The following KDM2B variants were observed in gnomAD, a reference collection of about 807,000 sequenced individuals.
KDM2B encodes lysine-specific demethylase 2B.
In KDM2B, 26 loss-of-function variants were observed where a neutral mutation model predicts 150.0. The observed-to-expected ratio is 0.17, with a 90% CI of 0.13 to 0.24. KDM2B has a LOEUF of 0.24. Ranked by LOEUF, KDM2B falls within the 10% of genes least tolerant of loss-of-function variation. KDM2B has a pLI of 1.00. For missense variants in KDM2B, 1,265 were observed against 1,816.9 expected (o/e 0.70, Z 5.52); for synonymous variants, 734 against 729.5 (o/e 1.01, Z -0.10).
intron 9 of KDM2B, among the ~76,000 whole-genome samples, chr12:121,514,077 G>A (rs1555304488): frequency 6.6e-6 from 1 of 152,148 alleles, no homozygotes; most frequent in Non-Finnish European, 1.5e-5. Context: ...GGTATGACCT[G>A]AGACCAGCGT....
At chr12:121,541,395 CAAAAAAAAAAAAA>C (rs59029432) in intron 6 of KDM2B, among the ~76,000 whole-genome samples, 7 of 29,364 alleles carry the variant, frequency 2.4e-4, no homozygotes, top group African/African-American at 5.9e-4. Flanking sequence ...GCCCCTGTCT[CAAAAAAAAAAAAA>C]AAAAAAAAAG....
At chr12:121,550,049 C>G (rs1419468705) in intron 4 of KDM2B, among the ~76,000 whole-genome samples, 4 of 149,512 alleles carry the variant, frequency 2.7e-5, no homozygotes, top group Non-Finnish European at 5.9e-5. Flanking sequence ...ATGGCTCATG[C>G]CTGTAATCCC....
Position 121,440,090 on chromosome 12 carries a change from A to G in KDM2B, c.3611-15T>C. The G allele has an allele frequency of 6.3e-7, 1 of 1,578,342 alleles. No homozygotes were observed. On this transcript the variant is annotated splice_polypyrimidine_tract_variant and intron_variant, in intron 21 of 22. Transcript: ENST00000377071. ...GTCCATCTGACCTGGTGGGGCAGGA[A>G]GGAGGGGGCAACCCGTCAATCTGAC...
intron 4 of KDM2B, among the ~76,000 whole-genome samples, chr12:121,557,635 C>T (rs1890004438): frequency 6.6e-6 from 1 of 152,138 alleles, no homozygotes; most frequent in Non-Finnish European, 1.5e-5. Flanking sequence ...AGCCAAGGCG[C>T]ACTAAGCACT....
At chr12:121,503,324 T>G (rs1339397012) in intron 11 of KDM2B, among the ~76,000 whole-genome samples, 1 of 151,212 alleles carries the variant, frequency 6.6e-6, no homozygotes, top group African/African-American at 2.4e-5. Flanking sequence ...AGGGTCTGGC[T>G]CTGTCACCAA....
Position 121,501,503 on chromosome 12 carries a change from C to T in KDM2B, c.1648-6838G>A, listed in dbSNP as rs578140924. Among the ~76,000 whole-genome samples the T allele has an allele frequency of 4.6e-4, 70 of 152,264 alleles. No individual in the cohort carries two copies. In the South Asian group the frequency reaches 0.011, roughly 24 times the overall value. ...GAGCTGCCAGAAACCAGAGGAGGCC[C>T]GGAAGGATTCTCTTCTAGAGACTTT... On this transcript the variant is annotated intron_variant, in intron 11 of 22. Coordinates refer to ENST00000377071, the MANE Select transcript of KDM2B (RefSeq NM_032590.5).
At chr12:121,488,172 A>G (rs1246251188) in intron 12 of KDM2B, among the ~76,000 whole-genome samples, 3 of 152,190 alleles carry the variant, frequency 2.0e-5, no homozygotes, top group African/African-American at 7.2e-5. Flanking sequence ...AAAGAAATTA[A>G]GTCATTCAGG....
At chr12:121,480,929 G>T (rs7965954) in intron 12 of KDM2B, among the ~76,000 whole-genome samples, 90,562 of 143,832 alleles carry the variant, frequency 0.63, 29,782 homozygotes, top group African/African-American at 0.86. Context: ...TGTTTTTTTT[G>T]TTGTTTTTTT....
chr12:121,576,687 C>G (rs28542596), intron 2 of KDM2B, among the ~76,000 whole-genome samples: 35,362 of 152,086 alleles, frequency 0.23, 4,448 homozygotes, highest in African/African-American at 0.32. Context: ...ATTCTGAAAC[C>G]AGTGAATCTG....
At chr12:121,450,701 T>C (rs530199377) in intron 13 of KDM2B, among the ~76,000 whole-genome samples, 3 of 152,048 alleles carry the variant, frequency 2.0e-5, no homozygotes, top group South Asian at 4.2e-4. Flanking sequence ...CTACTAAAAA[T>C]GCAAAAAAAT....
chr12:121,580,559 G>A (rs1891895584), intron 1 of KDM2B: 14 of 1,020,672 alleles, frequency 1.4e-5, no homozygotes, highest in East Asian at 3.5e-5. Flanking sequence ...GGCGCATCCC[G>A]GAGATGGCGG....
chr12:121,581,053 A>G (rs1891938759), upstream of KDM2B: 2 of 1,122,992 alleles, frequency 1.8e-6, no homozygotes, highest in Admixed American at 2.9e-5. Context: ...GAGCCTTTGC[A>G]GTCCGCAGCT....
Position 121,513,264 on chromosome 12 carries a change from C to T in KDM2B, c.1174+12G>A, listed in dbSNP as rs1555304306. 3 of 1,612,150 alleles carry T rather than the reference C, an allele frequency of 1.9e-6. No homozygotes were observed. Among genetic ancestry groups the T allele is most frequent in the Non-Finnish European group, 2.5e-6 (3 of 1,178,908 alleles). On this transcript the variant is annotated intron_variant, in intron 10 of 22. Transcript: ENST00000377071. The surrounding 1 kb of genome is among the most constrained non-coding windows in gnomAD (Gnocchi z 5.0). ...TGCAGCCGAGGCCGTGGGCTCCCTC[C>T]GGTTCACTCACCAATAAGCATCGAC...
At position 121,521,115 on chromosome 12, in the gene KDM2B, G is replaced by A; in HGVS notation, c.932-15C>T. ...ATGGATCCAACCTGGGGTGGGAAGG[G>A]CAAGGAGAGGATGAGCCGCTGGCCC... On this transcript the variant is annotated splice_polypyrimidine_tract_variant and intron_variant, in intron 8 of 22. Transcript: ENST00000377071. This position sits in a 1 kb window ranked among gnomAD's most constrained non-coding sequence, Gnocchi z 4.9. The A allele has an allele frequency of 6.3e-7, 1 of 1,585,274 alleles. No individual in the cohort carries two copies. The highest frequency in any genetic ancestry group is 2.2e-5 in the East Asian group (1 of 44,696).
chr12:121,441,333 G>C, intron 19 of KDM2B, 100 bp from the exon 20 acceptor site: 2 of 1,196,068 alleles, frequency 1.7e-6, no homozygotes, highest in South Asian at 2.9e-5. Flanking sequence ...CCTCTGGGAG[G>C]CTCCTTAACT....
intron 4 of KDM2B, among the ~76,000 whole-genome samples, chr12:121,558,816 C>T (rs921708757): frequency 1.3e-5 from 2 of 152,092 alleles, no homozygotes; most frequent in Non-Finnish European, 2.9e-5. Context: ...GTCTCGAATT[C>T]CTGACCTCAA....
At chr12:121,450,124 G>A (rs1876968444) in intron 13 of KDM2B, among the ~76,000 whole-genome samples, 1 of 151,904 alleles carries the variant, frequency 6.6e-6, no homozygotes, top group Non-Finnish European at 1.5e-5. Flanking sequence ...GACCAGCCTA[G>A]ACAATAGAGT....
chr12:121,566,532 G>A (rs1277647479), intron 4 of KDM2B, among the ~76,000 whole-genome samples: 4 of 152,340 alleles, frequency 2.6e-5, no homozygotes, highest in South Asian at 4.1e-4. Flanking sequence ...TGAGGCAGGA[G>A]AATCGCTTGA....
At chr12:121,464,578 G>A (rs1358423756) in intron 12 of KDM2B, among the ~76,000 whole-genome samples, 4 of 152,186 alleles carry the variant, frequency 2.6e-5, no homozygotes, top group African/African-American at 9.7e-5. Flanking sequence ...TCGGAAGGTG[G>A]AGCAGCCAAA....
Sources: gnomAD v4.1 joint callset for allele counts (sites outside exome capture counted in the v4.1 genomes callset) on GRCh38, gnomAD v4.1.1 for gene constraint, Gnocchi (gnomAD v3.1) non-coding constraint, MANE v1.5 for transcripts, NCBI Gene and HGNC (gene_info 2026-07-23, HGNC 2026-07-21) for gene names.